The following ODAD2 variants were observed in gnomAD, a reference collection of about 807,000 sequenced individuals.
ODAD2 encodes outer dynein arm-docking complex subunit 2.
In ODAD2, 89 loss-of-function variants were observed where a neutral mutation model predicts 106.8. The ratio of observed to expected loss-of-function variants is 0.83; its 90% CI spans 0.70 to 0.99. The LOEUF is 0.99. Among genes scored for constraint, ODAD2 ranks in the 50% least tolerant of loss-of-function variants. The pLI is 0.00. For synonymous variants in ODAD2, 404 were observed against 436.2 expected, an observed-to-expected ratio of 0.93 and a Z score of 0.92; for missense variants, 1,168 against 1,238.5, an observed-to-expected ratio of 0.94 and a Z score of 0.85.
chr10:27,819,003 AG>A (rs1836377462), intron 19 of ODAD2, among the ~76,000 whole-genome samples: 1 of 152,222 alleles, frequency 6.6e-6, no homozygotes, highest in African/African-American at 2.4e-5. Flanking sequence ...ATATGTGTAA[AG>A]GGATCACATA....
At chr10:27,910,362 A>G (rs994407503) in intron 16 of ODAD2, among the ~76,000 whole-genome samples, 37 of 152,128 alleles carry the variant, frequency 2.4e-4, no homozygotes, top group African/African-American at 8.0e-4. Context: ...TTAAACCTGC[A>G]ATTCCAGAGC....
chr10:27,940,153 T>C (rs1388078609), intron 13 of ODAD2, 146 bp from the exon 14 acceptor site: 2 of 586,892 alleles, frequency 3.4e-6, no homozygotes, highest in Admixed American at 3.5e-5. Flanking sequence ...AATAAGAGAA[T>C]CAACTGAATT....
chr10:27,881,658 A>G (rs781639928), intron 17 of ODAD2, among the ~76,000 whole-genome samples: 9 of 151,942 alleles, frequency 5.9e-5, no homozygotes, highest in Non-Finnish European at 1.2e-4. Context: ...GAAAAGAATG[A>G]GCCGGCAAAA....
intron 1 of ODAD2, among the ~76,000 whole-genome samples, chr10:27,998,163 C>A (rs1850667005): frequency 6.6e-6 from 1 of 152,212 alleles, no homozygotes; most frequent in Admixed American, 6.5e-5. Flanking sequence ...GCTCTGAGAT[C>A]TATGAAATGT....
At chr10:27,831,744 C>T (rs577778296) in intron 19 of ODAD2, among the ~76,000 whole-genome samples, 2 of 152,374 alleles carry the variant, frequency 1.3e-5, no homozygotes, top group South Asian at 4.1e-4. Flanking sequence ...ATAGCTGGTC[C>T]TCTCTGGCCC....
chr10:27,831,303 A>T (rs1011834191), intron 19 of ODAD2, among the ~76,000 whole-genome samples: 7 of 152,136 alleles, frequency 4.6e-5, no homozygotes, highest in African/African-American at 1.4e-4. Context: ...ACATTTTTTC[A>T]TCATCACCGA....
intron 19 of ODAD2, among the ~76,000 whole-genome samples, chr10:27,847,444 A>G (rs1838862856): frequency 6.6e-6 from 1 of 152,226 alleles, no homozygotes; most frequent in Non-Finnish European, 1.5e-5. Context: ...AGAGCTATTT[A>G]TGACATACCC....
At chr10:27,934,974 C>T in intron 16 of ODAD2, 36 bp downstream of exon 16, 1 of 1,612,088 alleles carries the variant, frequency 6.2e-7, no homozygotes, top group South Asian at 1.1e-5. Context: ...CTCCCTAACA[C>T]TTATATAAAA....
chr10:27,980,244 T>C (rs1849461251), intron 7 of ODAD2, among the ~76,000 whole-genome samples: 1 of 152,094 alleles, frequency 6.6e-6, no homozygotes, highest in Middle Eastern at 3.2e-3. Context: ...GCTAAATTTT[T>C]CATGACCTTG....
At chr10:27,942,535 A>G (rs1292771818) in intron 12 of ODAD2, among the ~76,000 whole-genome samples, 1 of 152,184 alleles carries the variant, frequency 6.6e-6, no homozygotes, top group Non-Finnish European at 1.5e-5. Flanking sequence ...TTACTGTACT[A>G]GGTTCCTGAA....
chr10:27,928,491 A>C (rs1255759958), intron 16 of ODAD2, among the ~76,000 whole-genome samples: 1 of 152,076 alleles, frequency 6.6e-6, no homozygotes. Context: ...CTGACCTCAA[A>C]ACAAAATCCA....
intron 19 of ODAD2, among the ~76,000 whole-genome samples, chr10:27,847,175 T>C (rs978164888): frequency 6.6e-6 from 1 of 152,148 alleles, no homozygotes; most frequent in East Asian, 1.9e-4. Context: ...AAATCCTCAA[T>C]AAAATACTGG....
At chr10:27,942,099 A>G (rs1846498456) in intron 12 of ODAD2, among the ~76,000 whole-genome samples, 1 of 152,204 alleles carries the variant, frequency 6.6e-6, no homozygotes, top group Admixed American at 6.5e-5. Context: ...ATGCACAACA[A>G]TAAATGATGC....
intron 17 of ODAD2, among the ~76,000 whole-genome samples, chr10:27,864,718 T>A (rs1182196822): frequency 6.6e-6 from 1 of 152,020 alleles, no homozygotes; most frequent in South Asian, 2.1e-4. Flanking sequence ...TGGAGTCAGA[T>A]CTCCACCTTC....
At chr10:27,860,940 C>A in intron 18 of ODAD2, 94 bp from the exon 19 acceptor site, 1 of 1,066,906 alleles carries the variant, frequency 9.4e-7, no homozygotes, top group Non-Finnish European at 1.4e-6. Context: ...CATTAAGACA[C>A]CAATGAGTCT....
At position 27,837,793 on chromosome 10, in the gene ODAD2, A is replaced by G. The variant is rs184474654; in HGVS notation, c.3021+22832T>C. Among the ~76,000 whole-genome samples, 313 of 152,340 alleles carry G rather than the reference A, an allele frequency of 2.1e-3. 2 individuals carry two copies. The highest frequency in any genetic ancestry group is 7.0e-3 in the African/African-American group (292 of 41,590). ...TATTGTAAATGAACACAGCATCCGCAAGCCCTGACTTGTCAACCATAAGGA... is the reference window on the plus strand; with the variant it reads ...TATTGTAAATGAACACAGCATCCGCGAGCCCTGACTTGTCAACCATAAGGA... On this transcript the variant is annotated intron_variant, in intron 19 of 19. Transcript: ENST00000305242.
intron 17 of ODAD2, among the ~76,000 whole-genome samples, chr10:27,905,817 C>T (rs998326847): frequency 2.0e-5 from 3 of 152,218 alleles, no homozygotes; most frequent in Middle Eastern, 3.4e-3. Context: ...TAGCTATATG[C>T]AGAAAACTGA....
rs574705402 is a variant in ODAD2 at position 27,975,113 on chromosome 10, C to T, written c.937-3800G>A. Reference sequence around the variant, plus strand: ...ATTGATTTTGTATCCTGAAACGTTGCTGAAGTTGTTTACCAGCTAAAGCAG... The same window carrying T: ...ATTGATTTTGTATCCTGAAACGTTGTTGAAGTTGTTTACCAGCTAAAGCAG... On this transcript the variant is annotated intron_variant, in intron 7 of 19. Transcript: ENST00000305242. 3.9e-5 allele frequency among the ~76,000 whole-genome samples: 6 copies of T among 152,204 alleles called. No individual in the cohort carries two copies. In the South Asian group the frequency reaches 1.2e-3, roughly 32 times the overall value.
intron 17 of ODAD2, among the ~76,000 whole-genome samples, chr10:27,866,300 G>A (rs1297930718): frequency 2.0e-5 from 3 of 152,186 alleles, no homozygotes; most frequent in Admixed American, 6.5e-5. Flanking sequence ...ATGACAGAGT[G>A]GCAGAAGCAG....
Sources: gnomAD v4.1 joint callset for allele counts (sites outside exome capture counted in the v4.1 genomes callset) on GRCh38, gnomAD v4.1.1 for gene constraint, MANE v1.5 for transcripts, NCBI Gene and HGNC (gene_info 2026-07-23, HGNC 2026-07-21) for gene names.